Variants in FKBP4 observed in about 807,000 individuals in gnomAD.
FKBP4 encodes FKBP prolyl isomerase 4, also known as peptidyl-prolyl cis-trans isomerase FKBP4.
Under a neutral mutation model 54.1 loss-of-function variants are expected in FKBP4, and 28 were observed. The ratio of observed to expected loss-of-function variants is 0.52; its 90% confidence interval spans 0.38 to 0.71. FKBP4 has a LOEUF of 0.71. Ranked by LOEUF, FKBP4 falls within the 30% of genes least tolerant of loss-of-function variation. The pLI is 0.00. For missense variants in FKBP4, 493 were observed against 574.4 expected (o/e 0.86, Z 1.45); for synonymous variants, 223 against 216.1 (o/e 1.03, Z -0.28).
chr12:2,799,804 G>A, intron 5 of FKBP4, 46 bp from the exon 6 acceptor site: 1 of 1,517,338 alleles, frequency 6.6e-7, no homozygotes, highest in Non-Finnish European at 9.1e-7. Flanking sequence ...GCCTGGAGCA[G>A]GTTAAGTGTT....
chr12:2,796,422 C>T (rs2097901897), intron 1 of FKBP4: 20 of 1,279,886 alleles, frequency 1.6e-5, no homozygotes, highest in African/African-American at 3.1e-5. Flanking sequence ...CTTTCTACTC[C>T]TCAAAGCCCC....
At chr12:2,796,099 G>A (rs1233031380) in intron 1 of FKBP4, 2 of 1,210,370 alleles carry the variant, frequency 1.7e-6, no homozygotes, top group Admixed American at 3.1e-5. Flanking sequence ...GTCGGAGCAG[G>A]TTCCAGGGAG....
At chr12:2,797,610 C>T (rs1008046248) in intron 2 of FKBP4, 119 bp from the exon 3 acceptor site, 1 of 1,255,792 alleles carries the variant, frequency 8.0e-7, no homozygotes, top group East Asian at 2.4e-5. Context: ...CCTTCTGGTC[C>T]CATTTCTAAA....
chr12:2,797,459 T>C (rs1368188236), intron 2 of FKBP4, among the ~76,000 whole-genome samples, 177 bp downstream of exon 2: 1 of 151,604 alleles, frequency 6.6e-6, no homozygotes, highest in Non-Finnish European at 1.5e-5. Flanking sequence ...GATCTCTGTC[T>C]CCCCTTCTCC....
Position 2,800,423 on chromosome 12 carries a change from A to G in FKBP4, c.878A>G (p.Tyr293Cys). ...EGKYKQALLQ[Y>C]KKIVSWLEYE... The stretch of plus-strand genomic sequence containing the variant: ...AAATACAAGCAAGCTTTACTACAGT[A>G]TAAGAAGATCGTGTCTTGGCTGGAA... The change falls in exon 8 of 10, where the codon TAT (tyrosine) becomes TGT (cysteine). Residue 293 changes from tyrosine to cysteine, a missense_variant. By Grantham distance (194) the Tyr-to-Cys change is radical. Coordinates refer to ENST00000001008, the MANE Select transcript of FKBP4 (RefSeq NM_002014.4). 1 of 1,613,828 alleles carries G rather than the reference A, an allele frequency of 6.2e-7. No individual in the cohort carries two copies. Among genetic ancestry groups the G allele is most frequent in the Admixed American group, 1.7e-5 (1 of 59,988 alleles).
Position 2,805,403 on chromosome 12 carries a change from A to T in FKBP4, c.*2145A>T, listed in dbSNP as rs574553711. The T allele has an allele frequency of 1.4e-4, 38 of 274,504 alleles. No individual in the cohort carries two copies. Among genetic ancestry groups the T allele is most frequent in the South Asian group, 1.3e-3 (38 of 29,870 alleles). The allele number at this position is 274,504 out of a possible 1,614,324, so 17.0% of individuals were successfully genotyped here. On this transcript the variant is annotated 3_prime_UTR_variant, in exon 10 of 10. Transcript: ENST00000001008. ...AGTTTATGTAACATTAAAACTGTCT[A>T]GTGAGGATGTTTTGTTAAAATGCCT...
rs749632850 is a variant in FKBP4 at position 2,801,255 on chromosome 12, A to T, written c.1171A>T (p.Thr391Ser). 6.2e-7 allele frequency: 1 copy of T among 1,613,520 alleles called. No individual in the cohort carries two copies. The highest frequency in any genetic ancestry group is 8.5e-7 in the Non-Finnish European group (1 of 1,180,048). The change falls in exon 9 of 10, where the codon ACC (threonine) becomes TCC (serine). Residue 391 changes from threonine to serine, a missense_variant. Transcript: ENST00000001008. ...CTACCCCAACAACAAAGCCGCCAAG[A>T]CCCAGCTGGCTGTGTGCCAGCAGCG... is the stretch of plus-strand genomic sequence containing the variant. ...QLYPNNKAAK[T>S]QLAVCQQRIR... is the part of the protein sequence containing the mutation.
chr12:2,801,344 G>A lies in FKBP4; in HGVS notation c.1260G>A (p.Glu420=). 1.2e-6 allele frequency: 2 copies of A among 1,613,822 alleles called. No individual in the cohort carries two copies. The highest frequency in any genetic ancestry group is 8.5e-7 in the Non-Finnish European group (1 of 1,179,810). Residue 420 remains glutamate, a synonymous_variant, in exon 9 of 10, where the codon GAG becomes GAA. Transcript: ENST00000001008. ...CCAATATGTTTGAGAGGCTGGCTGA[G>A]GAGGAGAACAAGGTGAGGATTGGGG... The part of the protein sequence containing the change: ...LYANMFERLA[E]EENKAKAEAS...
chr12:2,797,143 CAAGA>C lies in FKBP4; in HGVS notation c.112_115del (p.Lys38GlufsTer10). The C allele has an allele frequency of 6.2e-7, 1 of 1,612,488 alleles. No homozygotes were observed. The highest frequency in any genetic ancestry group is 8.5e-7 in the Non-Finnish European group (1 of 1,179,818). Reference sequence around the variant, plus strand: ...TTTCTCCCCCTTCCTCCCAGGTCATCAAGAGAGAGGGCACAGGTACAGAGATGCC... The same window carrying C: ...TTTCTCCCCCTTCCTCCCAGGTCATCGAGAGGGCACAGGTACAGAGATGCC... On this transcript the variant is annotated frameshift_variant, in exon 2 of 10. Transcript: ENST00000001008. LOFTEE classifies it high-confidence loss of function.
At chr12:2,796,441 C>T in intron 1 of FKBP4, 1 of 1,261,494 alleles carries the variant, frequency 7.9e-7, no homozygotes, top group South Asian at 1.3e-5. Context: ...CCTGTCTATT[C>T]TTCGTGGAAG....
At chr12:2,796,532 G>GACTA in intron 1 of FKBP4, 1 of 1,193,962 alleles carries the variant, frequency 8.4e-7, no homozygotes, top group East Asian at 5.8e-5. Context: ...TCCAGCCCTG[G>GACTA]ACTAACTACC....
chr12:2,797,951 C>G, intron 3 of FKBP4, 80 bp downstream of exon 3: 1 of 1,518,098 alleles, frequency 6.6e-7, no homozygotes. Context: ...CCAGCCCTTC[C>G]TGCTTCTTGG....
At position 2,795,911 on chromosome 12, in the gene FKBP4, T is replaced by G; in HGVS notation, c.105+667T>G. ...CCCCGGGGAGGCCGGGCGCGGGGCATGCCGGGAGCTGTAGTCCCCTCCCCC... is the reference window on the plus strand; with the variant it reads ...CCCCGGGGAGGCCGGGCGCGGGGCAGGCCGGGAGCTGTAGTCCCCTCCCCC... On this transcript the variant is annotated intron_variant, in intron 1 of 9. Transcript: ENST00000001008. This position sits in a 1 kb window ranked among gnomAD's most constrained non-coding sequence, Gnocchi z 4.3. The G allele has an allele frequency of 1.0e-6, 1 of 983,226 alleles. No individual in the cohort carries two copies. Among genetic ancestry groups the G allele is most frequent in the Non-Finnish European group, 1.2e-6 (1 of 825,752 alleles). 60.9% of individuals were successfully genotyped at this position (983,226 alleles called of 1,614,324 possible).
intron 9 of FKBP4, chr12:2,801,842 G>C: frequency 3.5e-6 from 1 of 288,154 alleles, no homozygotes; most frequent in Non-Finnish European, 7.0e-6. Context: ...ATACAGTCAA[G>C]TCTGCCTCCC....
At position 2,798,498 on chromosome 12, in the gene FKBP4, C is replaced by G. The variant is rs139257258; in HGVS notation, c.394-208C>G. Among the ~76,000 whole-genome samples, 2 of 152,318 alleles carry G rather than the reference C, an allele frequency of 1.3e-5. No homozygotes were observed. The highest frequency in any genetic ancestry group is 4.8e-5 in the African/African-American group (2 of 41,560). On this transcript the variant is annotated intron_variant, in intron 3 of 9. Coordinates refer to ENST00000001008, the MANE Select transcript of FKBP4 (RefSeq NM_002014.4). This position sits in a 1 kb window ranked among gnomAD's most constrained non-coding sequence, Gnocchi z 4.3. ...TTGCTCTCCTCAGCTTAACTGAAAT[C>G]TATGTAGTCTGCCCACCTCTACCAA...
In FKBP4 at chr12:2,805,245, T is replaced by A; in HGVS notation, c.*1987T>A. On this transcript the variant is annotated 3_prime_UTR_variant, in exon 10 of 10. Transcript: ENST00000001008. Reference sequence around the variant, plus strand: ...ATCCAGACTCTCCCATGAGGTTCCTTTGGCAAGTCCTGGGCTTCTGTCCTC... The same window carrying A: ...ATCCAGACTCTCCCATGAGGTTCCTATGGCAAGTCCTGGGCTTCTGTCCTC... 1 of 453,062 alleles carries A rather than the reference T, an allele frequency of 2.2e-6. No homozygotes were observed. Among genetic ancestry groups the A allele is most frequent in the Non-Finnish European group, 4.4e-6 (1 of 225,888 alleles). The allele number at this position is 453,062 out of a possible 1,614,324, so 28.1% of individuals were successfully genotyped here. A position where few individuals can be genotyped will look rare whatever the true frequency, so the allele number is the denominator to read the frequency against.
intron 3 of FKBP4, 58 bp downstream of exon 3, chr12:2,797,929 C>T: frequency 6.4e-7 from 1 of 1,556,898 alleles, no homozygotes; most frequent in Admixed American, 1.7e-5. Context: ...CAGCCCAATG[C>T]CTGGCTGCCC....
intron 9 of FKBP4, 43 bp downstream of exon 9, chr12:2,801,399 C>G: frequency 1.2e-6 from 2 of 1,608,624 alleles, no homozygotes; most frequent in East Asian, 2.2e-5. Flanking sequence ...CATCCCTCCA[C>G]TTAACCTGGC....
At chr12:2,803,123 G>GCC in intron 9 of FKBP4, 28 bp from the exon 10 acceptor site, 1 of 1,508,634 alleles carries the variant, frequency 6.6e-7, no homozygotes, top group East Asian at 2.4e-5. Context: ...TGGGAAGTCA[G>GCC]CCCGTTTGCT....
Sources: allele counts gnomAD v4.1 joint callset (sites outside exome capture counted in the v4.1 genomes callset), GRCh38; gene constraint gnomAD v4.1.1; non-coding constraint Gnocchi (gnomAD v3.1); transcripts MANE v1.5; gene names NCBI Gene and HGNC (gene_info 2026-07-23, HGNC 2026-07-21).